Variants in MOB1B observed in about 807,000 individuals in gnomAD.
MOB1B encodes the protein MOB1 Mps One Binder homolog B.
Under a neutral mutation model 24.4 loss-of-function variants are expected in MOB1B, and 19 were observed. The ratio of observed to expected loss-of-function variants is 0.78; its 90% CI spans 0.54 to 1.14. MOB1B has a LOEUF of 1.14. MOB1B is among the 50% of genes most tolerant of loss of function. The probability of loss-of-function intolerance (pLI) is 0.00; values close to 1 mark genes in which losing one functional copy is unlikely to be tolerated. For synonymous variants in MOB1B, 76 were observed against 82.1 expected, an observed-to-expected ratio of 0.93 and a Z score of 0.40; for missense variants, 243 against 259.6, an observed-to-expected ratio of 0.94 and a Z score of 0.44.
chr4:70,912,722 C>T (rs915166702), intron 1 of MOB1B, among the ~76,000 whole-genome samples: 1 of 152,202 alleles, frequency 6.6e-6, no homozygotes, highest in Non-Finnish European at 1.5e-5. Context: ...AGGATCCAGT[C>T]ATGAATCATG....
rs570049886 is a variant in MOB1B at position 70,917,644 on chromosome 4, A to G, written c.14+15094A>G. Among the ~76,000 whole-genome samples the G allele has an allele frequency of 4.6e-5, 7 of 152,330 alleles. No homozygotes were observed. The South Asian group carries it at 1.2e-3, about 27-fold the overall frequency. ...ATCCAAACCATAAAAAACTGTCTTT[A>G]CCTGGTAAAAATACACTGTAGTATA... On this transcript the variant is annotated intron_variant, in intron 1 of 5. Transcript: ENST00000309395.
intron 1 of MOB1B, among the ~76,000 whole-genome samples, chr4:70,934,024 C>G (rs1029309347): frequency 6.6e-6 from 1 of 152,064 alleles, no homozygotes; most frequent in African/African-American, 2.4e-5. Flanking sequence ...CTTGTCTCTA[C>G]AAAGAAGAAA....
chr4:70,929,684 C>T (rs189447253), intron 1 of MOB1B, among the ~76,000 whole-genome samples: 1,585 of 149,450 alleles, frequency 0.011, 26 homozygotes, highest in African/African-American at 0.037. Flanking sequence ...CTCACTCTGT[C>T]GCCCAGGCTG....
intron 2 of MOB1B, among the ~76,000 whole-genome samples, chr4:70,960,198 T>A (rs957898438): frequency 2.8e-4 from 42 of 151,856 alleles, no homozygotes; most frequent in African/African-American, 9.7e-4. Flanking sequence ...GCTTATTTTT[T>A]AAAAAAAGAT....
chr4:70,907,673 A>G (rs1735800711), intron 1 of MOB1B, among the ~76,000 whole-genome samples: 1 of 152,112 alleles, frequency 6.6e-6, no homozygotes, highest in Non-Finnish European at 1.5e-5. Flanking sequence ...CTACCAAAAA[A>G]CATTAGCCAG....
chr4:70,923,362 G>C (rs771016994), intron 1 of MOB1B, among the ~76,000 whole-genome samples: 2 of 152,032 alleles, frequency 1.3e-5, no homozygotes, highest in Non-Finnish European at 2.9e-5. Flanking sequence ...TCTGACCTTA[G>C]GTGGGCACCG....
rs182897291 is a variant in MOB1B at position 70,945,132 on chromosome 4, A to G, written c.15-13742A>G. On this transcript the variant is annotated intron_variant, in intron 1 of 5. Coordinates refer to ENST00000309395, the MANE Select transcript of MOB1B (RefSeq NM_173468.4). ...ATGTCATTCTTGTACCCAGACTAGCAATTATCTAGTCATACATAGATGTGA... is the reference window on the plus strand; with the variant it reads ...ATGTCATTCTTGTACCCAGACTAGCGATTATCTAGTCATACATAGATGTGA... 1.3e-5 allele frequency among the ~76,000 whole-genome samples: 2 copies of G among 152,286 alleles called. 1 individual carries two copies. Among genetic ancestry groups the G allele is most frequent in the African/African-American group, 4.8e-5 (2 of 41,550 alleles).
intron 1 of MOB1B, among the ~76,000 whole-genome samples, chr4:70,939,555 A>G (rs1050614073): frequency 3.9e-5 from 6 of 152,160 alleles, no homozygotes; most frequent in African/African-American, 1.4e-4. Context: ...GGTGGCGCAC[A>G]CCTGCAATCC....
chr4:70,982,315 G>A lies in MOB1B; in HGVS notation c.*258G>A. 4 of 289,792 alleles carry A rather than the reference G, an allele frequency of 1.4e-5. No individual in the cohort carries two copies. Among genetic ancestry groups the A allele is most frequent in the Non-Finnish European group, 1.9e-5 (3 of 156,234 alleles). The allele number at this position is 289,792 out of a possible 1,614,324, so 18.0% of individuals were successfully genotyped here. On this transcript the variant is annotated 3_prime_UTR_variant, in exon 6 of 6. Coordinates refer to ENST00000309395, the MANE Select transcript of MOB1B (RefSeq NM_173468.4). ...AAACTTGGTTTTGGTTACTTGAGGA[G>A]TTTTTTAATAATATTGTGTGCTGCA...
intron 1 of MOB1B, among the ~76,000 whole-genome samples, chr4:70,928,871 A>G (rs1407148510): frequency 6.6e-6 from 1 of 151,708 alleles, no homozygotes; most frequent in Non-Finnish European, 1.5e-5. Context: ...TACTGGCGTG[A>G]GCCCCTGCAC....
chr4:70,918,771 C>T (rs1345206433), intron 1 of MOB1B, among the ~76,000 whole-genome samples: 1 of 152,144 alleles, frequency 6.6e-6, no homozygotes, highest in African/African-American at 2.4e-5. Flanking sequence ...TTGCCCATGC[C>T]TGTGTCCTGA....
At chr4:70,949,350 C>T (rs887778471) in intron 1 of MOB1B, among the ~76,000 whole-genome samples, 25 of 152,196 alleles carry the variant, frequency 1.6e-4, no homozygotes, top group Non-Finnish European at 3.2e-4. Context: ...TGCTGTCTGT[C>T]TTGAAACAAG....
intron 1 of MOB1B, among the ~76,000 whole-genome samples, chr4:70,915,927 C>T (rs1578347380): frequency 6.6e-6 from 1 of 151,842 alleles, no homozygotes; most frequent in Non-Finnish European, 1.5e-5. Context: ...GGTCTCTAGG[C>T]GAGAGGAAAT....
chr4:70,953,464 G>GA lies in MOB1B; in HGVS notation c.15-5407dup, dbSNP rs1288399034. ...AAATTAGATGCAGGACTTGAAAGCA[G>GA]AAATGTATGTGGAAATGAGGAACGG... On this transcript the variant is annotated intron_variant, in intron 1 of 5. Transcript: ENST00000309395. Among the ~76,000 whole-genome samples, 4 of 152,300 alleles carry GA rather than the reference G, an allele frequency of 2.6e-5. No homozygotes were observed. In the East Asian group the frequency reaches 7.7e-4, roughly 29 times the overall value.
chr4:70,965,615 G>A (rs541833026), intron 2 of MOB1B, among the ~76,000 whole-genome samples: 1 of 150,648 alleles, frequency 6.6e-6, no homozygotes, highest in South Asian at 2.1e-4. Context: ...GGCTAACACG[G>A]CGGAACCCTG....
intron 3 of MOB1B, among the ~76,000 whole-genome samples, chr4:70,970,630 CTAA>C: frequency 6.6e-6 from 1 of 152,224 alleles, no homozygotes; most frequent in South Asian, 2.1e-4. Context: ...ATTACTTCTA[CTAA>C]TAATAGCAAT....
chr4:70,966,140 A>G (rs1223340768), intron 2 of MOB1B, among the ~76,000 whole-genome samples: 1 of 152,234 alleles, frequency 6.6e-6, no homozygotes, highest in East Asian at 1.9e-4. Context: ...ATGAACATAG[A>G]TGTAAAAATT....
rs78491813 is a variant in MOB1B at position 70,959,084 on chromosome 4, A to C, written c.181+44A>C. The C allele has an allele frequency of 7.9e-3, 12,144 of 1,538,198 alleles. 75 individuals are homozygous for C. The highest frequency in any genetic ancestry group is 0.013 in the Admixed American group (777 of 57,782). ...TCTCAGTAGCCTGTGAATTAGGGTAATAGCCTCATTGTTGGTGAGTGTTGG... is the reference window on the plus strand; with the variant it reads ...TCTCAGTAGCCTGTGAATTAGGGTACTAGCCTCATTGTTGGTGAGTGTTGG... On this transcript the variant is annotated intron_variant, in intron 2 of 5. Coordinates refer to ENST00000309395, the MANE Select transcript of MOB1B (RefSeq NM_173468.4).
chr4:70,924,518 A>G (rs993824872), intron 1 of MOB1B, among the ~76,000 whole-genome samples: 1 of 152,130 alleles, frequency 6.6e-6, no homozygotes, highest in South Asian at 2.1e-4. Flanking sequence ...GTTCTAGGGT[A>G]CACGAGCACA....
Sources: gnomAD v4.1 joint callset for allele counts (sites outside exome capture counted in the v4.1 genomes callset) on GRCh38, gnomAD v4.1.1 for gene constraint, MANE v1.5 for transcripts, NCBI Gene and HGNC (gene_info 2026-07-23, HGNC 2026-07-21) for gene names.